Variants in IGF2BP1 observed in about 807,000 individuals in gnomAD.
IGF2BP1 encodes the protein insulin like growth factor 2 mRNA binding protein 1.
Under a neutral mutation model 74.9 loss-of-function variants are expected in IGF2BP1, and 11 were observed. The observed-to-expected ratio is 0.15, with a 90% CI of 0.09 to 0.24. The LOEUF is 0.24. IGF2BP1 is among the 10% of genes least tolerant of loss of function. The pLI, the probability that IGF2BP1 is intolerant of heterozygous loss-of-function variation, is 1.00. For missense variants in IGF2BP1, 440 were observed against 757.4 expected (o/e 0.58, Z 4.92); for synonymous variants, 287 against 281.8 (o/e 1.02, Z -0.18).
In IGF2BP1 at chr17:48,997,835, C is replaced by T; in HGVS notation, c.90C>T (p.Ser30=). The change falls in exon 1 of 15, where the codon AGC becomes AGT. Residue 30 remains serine (S), a synonymous_variant. Transcript: ENST00000290341. The surrounding 1 kb of genome is among the most constrained non-coding windows in gnomAD (Gnocchi z 4.8). The part of the protein sequence containing the change: ...KVFAEHKISY[S]GQFLVKSGYA... ...TTGCGGAGCACAAGATCTCCTACAGCGGCCAGTTCTTGGTCAAATCCGGCT... is the reference window on the plus strand; with the variant it reads ...TTGCGGAGCACAAGATCTCCTACAGTGGCCAGTTCTTGGTCAAATCCGGCT... 1.2e-6 allele frequency: 2 copies of T among 1,614,202 alleles called. No homozygotes were observed. The highest frequency in any genetic ancestry group is 8.5e-7 in the Non-Finnish European group (1 of 1,180,020).
chr17:49,052,207 A>C lies in IGF2BP1; in HGVS notation c.*2763A>C, dbSNP rs888310466. 2.0e-5 allele frequency: 3 copies of C among 152,214 alleles called. No homozygotes were observed. The highest frequency in any genetic ancestry group is 7.2e-5 in the African/African-American group (3 of 41,448). 9.4% of individuals were successfully genotyped at this position (152,214 alleles called of 1,614,324 possible). ...AGCCTCTCCACCTGTCCCAACCATA[A>C]AAAGGGTCTCCCAGCTTTCCATCTC... On this transcript the variant is annotated 3_prime_UTR_variant, in exon 15 of 15. Transcript: ENST00000290341.
intron 2 of IGF2BP1, among the ~76,000 whole-genome samples, chr17:49,014,368 C>T (rs992307577): frequency 6.6e-6 from 1 of 150,844 alleles, no homozygotes; most frequent in African/African-American, 2.4e-5. Context: ...GCTGCGCTTT[C>T]CCCTGCTCCA....
chr17:49,019,667 C>G (rs2041751917), intron 2 of IGF2BP1, among the ~76,000 whole-genome samples: 1 of 147,102 alleles, frequency 6.8e-6, no homozygotes, highest in African/African-American at 2.7e-5. Context: ...GTATGTATTT[C>G]TAAAATATAA....
Position 49,053,898 on chromosome 17 carries a change from T to C in IGF2BP1, c.*4454T>C, listed in dbSNP as rs997872962. On this transcript the variant is annotated 3_prime_UTR_variant, in exon 15 of 15. Coordinates refer to ENST00000290341, the MANE Select transcript of IGF2BP1 (RefSeq NM_006546.4). ...CAAACCACTCGACTGTTTGCCTGTT[T>C]CTTGAAAACCAGTAGAAGGGAAACA... is the stretch of plus-strand genomic sequence containing the variant. 5 of 152,656 alleles carry C rather than the reference T, an allele frequency of 3.3e-5. No individual in the cohort carries two copies. The allele number at this position is 152,656 out of a possible 1,614,324, so 9.5% of individuals were successfully genotyped here.
chr17:49,010,313 C>CTTTTTTTTTTT (rs397857828), intron 2 of IGF2BP1, among the ~76,000 whole-genome samples: 1 of 105,622 alleles, frequency 9.5e-6, no homozygotes, highest in Non-Finnish European at 1.9e-5. Context: ...TGGTGGTCAT[C>CTTTTTTTTTTT]TTTTTTTTTT....
In IGF2BP1 at chr17:49,049,458, G is replaced by T; in HGVS notation, c.*14G>T. The T allele has an allele frequency of 1.2e-6, 2 of 1,607,474 alleles. No homozygotes were observed. Among genetic ancestry groups the T allele is most frequent in the Non-Finnish European group, 1.7e-6 (2 of 1,174,312 alleles). The stretch of plus-strand genomic sequence containing the variant: ...CGGAGGAAGTGACCAGCCCCTCCCT[G>T]TCCCTTCGAGTCCAGGACAACAACG... On this transcript the variant is annotated 3_prime_UTR_variant, in exon 15 of 15. Coordinates refer to ENST00000290341, the MANE Select transcript of IGF2BP1 (RefSeq NM_006546.4).
intron 2 of IGF2BP1, chr17:49,014,846 G>A (rs2041674105): frequency 4.1e-6 from 4 of 985,358 alleles, no homozygotes; most frequent in African/African-American, 3.5e-5. Context: ...GTGGGAAGCT[G>A]CCGAAGACAG....
In IGF2BP1 at chr17:49,019,953, T is replaced by C. The variant is rs1483251348; in HGVS notation, c.237-5665T>C. Reference sequence around the variant, plus strand: ...ATATATATATATATATATATATTTATATACACACACACACACACACACATA... The same window carrying C: ...ATATATATATATATATATATATTTACATACACACACACACACACACACATA... On this transcript the variant is annotated intron_variant, in intron 2 of 14. Coordinates refer to ENST00000290341, the MANE Select transcript of IGF2BP1 (RefSeq NM_006546.4). 4.0e-4 allele frequency among the ~76,000 whole-genome samples: 16 copies of C among 40,088 alleles called. 1 individual carries two copies. Among genetic ancestry groups the C allele is most frequent in the African/African-American group, 2.3e-3 (15 of 6,508 alleles). The allele number at this position is 40,088 out of a possible 152,430, so 26.3% of individuals were successfully genotyped here.
chr17:49,029,228 C>T (rs1011165390), intron 4 of IGF2BP1, among the ~76,000 whole-genome samples: 36 of 152,178 alleles, frequency 2.4e-4, no homozygotes, highest in African/African-American at 6.3e-4. Context: ...TGTTGGTTTA[C>T]TACTGTATTT....
intron 5 of IGF2BP1, among the ~76,000 whole-genome samples, chr17:49,035,608 C>T (rs951778659): frequency 1.3e-5 from 2 of 152,162 alleles, no homozygotes; most frequent in African/African-American, 4.8e-5. Context: ...CCACATGGCG[C>T]CTCCCTGCGG....
intron 5 of IGF2BP1, among the ~76,000 whole-genome samples, chr17:49,034,636 G>T (rs764921902): frequency 6.6e-6 from 1 of 151,348 alleles, no homozygotes; most frequent in Non-Finnish European, 1.5e-5. Context: ...GAAGTGGGAG[G>T]ATTGCTTGAG....
chr17:49,035,329 C>T lies in IGF2BP1; in HGVS notation c.402-2839C>T, dbSNP rs188343008. On this transcript the variant is annotated intron_variant, in intron 5 of 14. Coordinates refer to ENST00000290341, the MANE Select transcript of IGF2BP1 (RefSeq NM_006546.4). The stretch of plus-strand genomic sequence containing the variant: ...TGGATTACAGACCTAAATGTATTAG[C>T]TGTAAGGTAGGCAGGGCACAAGTAT... 1.8e-4 allele frequency among the ~76,000 whole-genome samples: 27 copies of T among 152,312 alleles called. No homozygotes were observed. In the East Asian group the frequency reaches 4.4e-3, roughly 25 times the overall value.
chr17:49,008,823 G>A (rs1598125168), intron 2 of IGF2BP1, among the ~76,000 whole-genome samples: 1 of 151,980 alleles, frequency 6.6e-6, no homozygotes, highest in African/African-American at 2.4e-5. Context: ...TGCTGCAGAC[G>A]TCTGGGATAG....
At chr17:49,034,747 C>CAA (rs754988533) in intron 5 of IGF2BP1, among the ~76,000 whole-genome samples, 2 of 73,510 alleles carry the variant, frequency 2.7e-5, no homozygotes, top group Admixed American at 3.0e-4. Flanking sequence ...AAAAAAAACA[C>CAA]AAAAAAAACA....
At chr17:49,046,440 T>A in intron 14 of IGF2BP1, 67 bp downstream of exon 14, 2 of 1,212,462 alleles carry the variant, frequency 1.6e-6, no homozygotes, top group Non-Finnish European at 2.4e-6. Flanking sequence ...GCAGAGACTC[T>A]ATAGAGGTTG....
chr17:49,019,933 TATATA>T (rs2041762497), intron 2 of IGF2BP1, among the ~76,000 whole-genome samples: 7 of 62,140 alleles, frequency 1.1e-4, no homozygotes, highest in Admixed American at 1.7e-4. Flanking sequence ...TATATATATA[TATATA>T]TATATATATA....
chr17:49,026,933 G>A (rs1020382012), intron 4 of IGF2BP1, among the ~76,000 whole-genome samples: 7 of 152,100 alleles, frequency 4.6e-5, no homozygotes, highest in African/African-American at 1.7e-4. Context: ...TAGTAGAGAC[G>A]CGTTTCACCA....
intron 2 of IGF2BP1, among the ~76,000 whole-genome samples, chr17:49,018,726 A>C (rs1218745171): frequency 6.6e-6 from 1 of 152,034 alleles, no homozygotes; most frequent in Non-Finnish European, 1.5e-5. Flanking sequence ...CTAATTAAGA[A>C]GGTGTTTCCT....
chr17:49,035,402 A>G (rs2041974504), intron 5 of IGF2BP1, among the ~76,000 whole-genome samples: 1 of 152,208 alleles, frequency 6.6e-6, no homozygotes, highest in Non-Finnish European at 1.5e-5. Flanking sequence ...CTAGGTTGTA[A>G]GTTTCCTGCT....
Sources: allele counts gnomAD v4.1 joint callset (sites outside exome capture counted in the v4.1 genomes callset), GRCh38; gene constraint gnomAD v4.1.1; non-coding constraint Gnocchi (gnomAD v3.1); transcripts MANE v1.5; gene names NCBI Gene and HGNC (gene_info 2026-07-23, HGNC 2026-07-21).